Variants in ZNF454 observed in about 807,000 individuals in gnomAD.
ZNF454 encodes the protein zinc finger protein 454.
Under a neutral mutation model 48.2 loss-of-function variants are expected in ZNF454, and 30 were observed. The ratio of observed to expected loss-of-function variants is 0.62; its 90% CI spans 0.47 to 0.84. The LOEUF is 0.84. Among genes scored for constraint, ZNF454 ranks in the 40% least tolerant of loss-of-function variants. ZNF454 has a pLI of 0.00. For missense variants in ZNF454, 510 were observed against 623.1 expected, an observed-to-expected ratio of 0.82 and a Z score of 1.93; for synonymous variants, 204 against 211.4, an observed-to-expected ratio of 0.97 and a Z score of 0.30.
At chr5:178,982,604 A>AG in the ZNF454 span, among the ~76,000 whole-genome samples, 3 of 131,196 alleles carry the variant, frequency 2.3e-5, no homozygotes, top group African/African-American at 8.5e-5. Flanking sequence ...AAAAAAAAAA[A>AG]GCATATGAAG....
At chr5:178,950,473 G>A (rs80308482) in intron 4 of ZNF454, among the ~76,000 whole-genome samples, 7,274 of 152,256 alleles carry the variant, frequency 0.048, 214 homozygotes, top group Admixed American at 0.073. Context: ...GCATGAAGCC[G>A]GCAGGAGACT....
intron 4 of ZNF454, among the ~76,000 whole-genome samples, chr5:178,963,419 T>G (rs972564990): frequency 6.6e-6 from 1 of 151,846 alleles, no homozygotes; most frequent in Admixed American, 6.6e-5. Flanking sequence ...CTGTTTACCT[T>G]TCTTTTCCTA....
chr5:178,951,517 G>A (rs897281563), intron 4 of ZNF454, among the ~76,000 whole-genome samples: 2 of 152,172 alleles, frequency 1.3e-5, no homozygotes, highest in Non-Finnish European at 2.9e-5. Flanking sequence ...TTGCTTTGCC[G>A]TTGCGTGCTT....
At chr5:178,986,711 A>G in the ZNF454 span, 1 of 1,604,902 alleles carries the variant, frequency 6.2e-7, no homozygotes, top group African/African-American at 1.3e-5. Context: ...CACAGAGACG[A>G]GGGCACCTCG....
the ZNF454 span, chr5:178,986,683 G>A: frequency 6.9e-4 from 1,113 of 1,603,710 alleles, no homozygotes; most frequent in Admixed American, 8.5e-4. Context: ...CCGCTCCCCC[G>A]GCCCGCAGGG....
chr5:178,986,759 A>G, the ZNF454 span: 2 of 1,608,818 alleles, frequency 1.2e-6, no homozygotes, highest in East Asian at 4.5e-5. Flanking sequence ...TCCACCTGGG[A>G]CGCACAAAAC....
At chr5:178,963,811 C>T (rs1760065653) in intron 4 of ZNF454, among the ~76,000 whole-genome samples, 1 of 151,734 alleles carries the variant, frequency 6.6e-6, no homozygotes, top group South Asian at 2.1e-4. Flanking sequence ...TTCACACAGC[C>T]TGTACAGCGG....
chr5:178,977,352 A>AT, the ZNF454 span: 1 of 453,534 alleles, frequency 2.2e-6, no homozygotes, highest in African/African-American at 2.0e-5. Context: ...TTCCCACCAT[A>AT]TGAGGACACA....
intron 4 of ZNF454, among the ~76,000 whole-genome samples, chr5:178,959,186 G>T (rs1759897548): frequency 6.6e-6 from 1 of 151,954 alleles, no homozygotes; most frequent in East Asian, 1.9e-4. Context: ...TTTCTATAGG[G>T]GTATCCAGTT....
the ZNF454 span, among the ~76,000 whole-genome samples, chr5:178,972,623 G>T: frequency 3.3e-5 from 5 of 152,180 alleles, no homozygotes; most frequent in Non-Finnish European, 7.3e-5. Context: ...AGAGGGTGTG[G>T]TAAGGTCCCA....
Position 178,942,830 on chromosome 5 carries a change from TG to T in ZNF454, c.33+11del. 6.2e-7 allele frequency: 1 copy of T among 1,611,428 alleles called. No homozygotes were observed. Among genetic ancestry groups the T allele is most frequent in the Non-Finnish European group, 8.5e-7 (1 of 1,179,034 alleles). On this transcript the variant is annotated splice_region_variant and intron_variant, in intron 2 of 4. Coordinates refer to ENST00000519564, the MANE Select transcript of ZNF454 (RefSeq NM_001178089.3). Reference sequence around the variant, plus strand: ...ACCTGCCAACCATGGTCCAGGTGAGTGGGGGTTTCTTCCCCCTAAATTGCTT... The same window carrying T: ...ACCTGCCAACCATGGTCCAGGTGAGTGGGGTTTCTTCCCCCTAAATTGCTT...
At chr5:178,988,918 G>T in the ZNF454 span, 6 of 1,601,288 alleles carry the variant, frequency 3.7e-6, no homozygotes, top group Middle Eastern at 2.1e-4. This position sits in a 1 kb window ranked among gnomAD's most constrained non-coding sequence, Gnocchi z 6.0. Context: ...GCTGCAGGGG[G>T]GCAGGCACCC....
chr5:178,974,919 G>A, the ZNF454 span, among the ~76,000 whole-genome samples: 7 of 152,132 alleles, frequency 4.6e-5, no homozygotes, highest in East Asian at 1.9e-4. Context: ...GGACCACCAC[G>A]GATCTCAGGA....
At chr5:178,985,468 C>A in the ZNF454 span, among the ~76,000 whole-genome samples, 1 of 151,464 alleles carries the variant, frequency 6.6e-6, no homozygotes. Flanking sequence ...CTTTGGGAGG[C>A]CGAGGTGGGC....
Position 178,965,724 on chromosome 5 carries a change from T to G in ZNF454, c.1320T>G (p.Tyr440Ter), listed in dbSNP as rs748646384. ...GAATTCATACTGGGGAAAAACCTTA[T>G]ACATGTAACATATGTGAAAAAGCCT... ...HQRIHTGEKP[Y>*]TCNICEKAFS... The change falls in exon 5 of 5, where the codon TAT (tyrosine) becomes TAG (stop). Residue 440 changes from tyrosine to a stop codon, truncating the protein, a stop_gained. Transcript: ENST00000519564. LOFTEE classifies it high-confidence loss of function. The surrounding 1 kb of genome is among the most constrained non-coding windows in gnomAD (Gnocchi z 5.2). 8 of 1,614,068 alleles carry G rather than the reference T, an allele frequency of 5.0e-6. No homozygotes were observed. In the African/African-American group the frequency reaches 1.1e-4, roughly 22 times the overall value.
Position 178,941,369 on chromosome 5 carries a change from G to A in ZNF454, c.-183G>A, listed in dbSNP as rs565227492. 8.3e-5 allele frequency: 38 copies of A among 455,996 alleles called. No individual in the cohort carries two copies. The highest frequency in any genetic ancestry group is 5.3e-4 in the South Asian group (34 of 64,444). The allele number at this position is 455,996 out of a possible 1,614,324, so 28.2% of individuals were successfully genotyped here. A position where few individuals can be genotyped will look rare whatever the true frequency, so the allele number is the denominator to read the frequency against. ...CGTGAGGTCGTCTGGGGAGAAGGGC[G>A]GAGGCAAAGCCGAGGAGGTGCGGGT... On this transcript the variant is annotated 5_prime_UTR_variant, in exon 1 of 5. Transcript: ENST00000519564. The surrounding 1 kb of genome is among the most constrained non-coding windows in gnomAD (Gnocchi z 5.5).
chr5:178,950,521 C>T (rs1421909612), intron 4 of ZNF454, among the ~76,000 whole-genome samples: 2 of 152,136 alleles, frequency 1.3e-5, no homozygotes, highest in African/African-American at 4.8e-5. Context: ...TTTCCCTTCT[C>T]CAAAATAGTT....
At chr5:178,947,340 T>C (rs1469643827) in intron 4 of ZNF454, among the ~76,000 whole-genome samples, 1 of 152,236 alleles carries the variant, frequency 6.6e-6, no homozygotes, top group East Asian at 1.9e-4. Context: ...CCTTCTCTCA[T>C]GAGGAGCCAC....
the ZNF454 span, among the ~76,000 whole-genome samples, chr5:178,971,576 GC>G: frequency 1.4e-5 from 2 of 147,926 alleles, no homozygotes; most frequent in African/African-American, 5.0e-5. Context: ...CCGGCTGGGC[GC>G]GGTGGCCATG....
Sources: gnomAD v4.1 joint callset for allele counts (sites outside exome capture counted in the v4.1 genomes callset) on GRCh38, gnomAD v4.1.1 for gene constraint, Gnocchi (gnomAD v3.1) non-coding constraint, MANE v1.5 for transcripts, NCBI Gene and HGNC (gene_info 2026-07-23, HGNC 2026-07-21) for gene names.